Variants in GLIS1 observed in about 807,000 individuals in gnomAD.
The protein encoded by GLIS1 is GLIS family zinc finger 1.
Under a neutral mutation model 63.8 loss-of-function variants are expected in GLIS1, and 24 were observed. The ratio of observed to expected loss-of-function variants is 0.38; its 90% CI spans 0.27 to 0.53. The LOEUF is 0.53. GLIS1 is among the 20% of genes least tolerant of loss of function. The pLI is 0.85. For synonymous variants in GLIS1, 450 were observed against 482.5 expected, an observed-to-expected ratio of 0.93 and a Z score of 0.88; for missense variants, 1,036 against 1,074.1, an observed-to-expected ratio of 0.96 and a Z score of 0.50.
At chr1:53,615,597 C>A (rs1645473178) in intron 2 of GLIS1, among the ~76,000 whole-genome samples, 1 of 152,190 alleles carries the variant, frequency 6.6e-6, no homozygotes, top group Admixed American at 6.5e-5. Flanking sequence ...ATCCTTTAAA[C>A]TTCTCAGATT....
At chr1:53,638,403 C>A (rs944109023) in intron 2 of GLIS1, among the ~76,000 whole-genome samples, 2 of 150,486 alleles carry the variant, frequency 1.3e-5, no homozygotes, top group Non-Finnish European at 3.0e-5. Flanking sequence ...AGGCCTCCCC[C>A]AGGCCAGTTC....
At chr1:53,568,092 T>A (rs1390738475) in intron 4 of GLIS1, among the ~76,000 whole-genome samples, 2 of 152,166 alleles carry the variant, frequency 1.3e-5, no homozygotes, top group Non-Finnish European at 2.9e-5. Context: ...CAACACCAGC[T>A]CATGAAAGCA....
chr1:53,647,079 C>T (rs1438399550), intron 2 of GLIS1, among the ~76,000 whole-genome samples: 3 of 152,018 alleles, frequency 2.0e-5, no homozygotes, highest in Admixed American at 2.0e-4. Flanking sequence ...ATTCATGGGT[C>T]AGAAGATTCC....
chr1:53,681,146 C>T (rs1460538166), intron 2 of GLIS1, among the ~76,000 whole-genome samples: 1 of 149,602 alleles, frequency 6.7e-6, no homozygotes, highest in Non-Finnish European at 1.5e-5. Context: ...AAAACTCCAG[C>T]ACTCCTCCAC....
chr1:53,510,663 G>A (rs1174337648), intron 8 of GLIS1, among the ~76,000 whole-genome samples: 1 of 152,152 alleles, frequency 6.6e-6, no homozygotes, highest in Admixed American at 6.5e-5. Flanking sequence ...AAGCAATATA[G>A]ACAAAGTGTG....
chr1:53,731,318 G>A (rs1038502152), intron 2 of GLIS1, among the ~76,000 whole-genome samples: 2 of 152,294 alleles, frequency 1.3e-5, no homozygotes, highest in South Asian at 2.1e-4. Flanking sequence ...AGTGCCCTAC[G>A]GAGGCAGAGT....
intron 4 of GLIS1, among the ~76,000 whole-genome samples, chr1:53,577,190 G>C (rs1178348002): frequency 3.3e-5 from 5 of 149,696 alleles, no homozygotes; most frequent in African/African-American, 1.0e-4. Context: ...TCCTGCCTTA[G>C]GAGCTCCAGA....
intron 10 of GLIS1, among the ~76,000 whole-genome samples, chr1:53,507,465 GCC>G (rs1644246800): frequency 6.6e-6 from 1 of 152,172 alleles, no homozygotes; most frequent in Non-Finnish European, 1.5e-5. Context: ...CCGCTCAGAG[GCC>G]CTTGACTTGG....
intron 2 of GLIS1, among the ~76,000 whole-genome samples, chr1:53,642,351 G>A (rs1557497699): frequency 1.3e-5 from 2 of 152,200 alleles, no homozygotes; most frequent in Non-Finnish European, 2.9e-5. Flanking sequence ...ACAGGCAGGA[G>A]AGGCTGGGTT....
At chr1:53,614,528 G>C (rs1349865681) in intron 2 of GLIS1, among the ~76,000 whole-genome samples, 2 of 152,168 alleles carry the variant, frequency 1.3e-5, no homozygotes, top group African/African-American at 4.8e-5. Context: ...TGAGGATGCT[G>C]GGTGTTATTC....
At chr1:53,628,564 C>T (rs997477996) in intron 2 of GLIS1, among the ~76,000 whole-genome samples, 2 of 152,080 alleles carry the variant, frequency 1.3e-5, no homozygotes, top group East Asian at 3.9e-4. Context: ...CAGCCCTAGG[C>T]GGGAGAGACA....
chr1:53,647,047 A>C (rs1645854435), intron 2 of GLIS1, among the ~76,000 whole-genome samples: 1 of 152,152 alleles, frequency 6.6e-6, no homozygotes, highest in African/African-American at 2.4e-5. Context: ...GGAAGACCTA[A>C]ATGAATTGAG....
chr1:53,543,509 T>G (rs549472229), intron 4 of GLIS1, among the ~76,000 whole-genome samples: 1 of 152,180 alleles, frequency 6.6e-6, no homozygotes, highest in Admixed American at 6.5e-5. Context: ...GGCTGTCTGA[T>G]AGCAAACCCC....
chr1:53,705,142 G>T (rs547065639), intron 2 of GLIS1, among the ~76,000 whole-genome samples: 2 of 152,266 alleles, frequency 1.3e-5, no homozygotes, highest in South Asian at 4.1e-4. Flanking sequence ...CTAACTCAGT[G>T]TCGGGGCCCA....
chr1:53,564,964 A>G (rs1052736731), intron 4 of GLIS1, among the ~76,000 whole-genome samples: 4 of 152,046 alleles, frequency 2.6e-5, no homozygotes, highest in African/African-American at 9.7e-5. Context: ...CTGAACAAAA[A>G]CAGAATATGC....
At chr1:53,544,368 C>T (rs1024793761) in intron 4 of GLIS1, among the ~76,000 whole-genome samples, 4 of 152,284 alleles carry the variant, frequency 2.6e-5, no homozygotes, top group South Asian at 4.1e-4. Context: ...GTCCGGCCCC[C>T]GGGGCACAGT....
chr1:53,699,921 T>C (rs1456799859), intron 2 of GLIS1, among the ~76,000 whole-genome samples: 1 of 152,198 alleles, frequency 6.6e-6, no homozygotes, highest in East Asian at 1.9e-4. Context: ...TGCCATCATA[T>C]TGGTGGTTAG....
intron 2 of GLIS1, among the ~76,000 whole-genome samples, chr1:53,677,685 C>T (rs189909475): frequency 4.3e-4 from 65 of 152,388 alleles, no homozygotes; most frequent in African/African-American, 1.5e-3. Context: ...TGGACCCAGC[C>T]GCGGGCACCC....
intron 2 of GLIS1, among the ~76,000 whole-genome samples, chr1:53,602,307 T>C (rs956448879): frequency 1.3e-5 from 2 of 152,160 alleles, no homozygotes; most frequent in African/African-American, 2.4e-5. Flanking sequence ...TCCAAATCGT[T>C]TCTGCATGCA....
Sources: gnomAD v4.1 joint callset for allele counts (sites outside exome capture counted in the v4.1 genomes callset) on GRCh38, gnomAD v4.1.1 for gene constraint, MANE v1.5 for transcripts, NCBI Gene and HGNC (gene_info 2026-07-23, HGNC 2026-07-21) for gene names.